The following BCAS3 variants were observed in gnomAD, a reference collection of about 807,000 sequenced individuals.
The protein encoded by BCAS3 is BCAS4/BCAS3 fusion.
A neutral mutation model predicts 116.1 loss-of-function variants in BCAS3; 53 were observed. The observed-to-expected ratio is 0.46, with a 90% CI of 0.37 to 0.57. The LOEUF is 0.57. Among genes scored for constraint, BCAS3 ranks in the 20% least tolerant of loss-of-function variants. The pLI is 0.00. For missense variants in BCAS3, 917 were observed against 1,165.4 expected (o/e 0.79, Z 3.10); for synonymous variants, 391 against 408.2 (o/e 0.96, Z 0.51).
intron 22 of BCAS3, among the ~76,000 whole-genome samples, chr17:61,121,073 T>A (rs2075763362): frequency 6.6e-6 from 1 of 152,178 alleles, no homozygotes. Flanking sequence ...ATTTTATATT[T>A]TAGCAAAAAT....
Position 60,908,368 on chromosome 17 carries a change from A to C in BCAS3, c.823-2164A>C, listed in dbSNP as rs534818296. Among the ~76,000 whole-genome samples the C allele has an allele frequency of 5.3e-5, 8 of 152,292 alleles. No individual in the cohort carries two copies. In the East Asian group the frequency reaches 1.3e-3, roughly 26 times the overall value. ...CCTTTTCATTGGTATAAGAGCATGA[A>C]ATAATAGGCTCAGGGGCAAATGGGG... On this transcript the variant is annotated intron_variant, in intron 11 of 23. Transcript: ENST00000407086.
intron 9 of BCAS3, chr17:60,886,571 T>C (rs1408176917): frequency 6.6e-6 from 1 of 150,754 alleles, no homozygotes; most frequent in Non-Finnish European, 1.5e-5. Flanking sequence ...CCCATCTTTG[T>C]GGTTTTATCT....
chr17:60,832,381 T>A (rs2051017207), intron 7 of BCAS3, among the ~76,000 whole-genome samples: 1 of 152,102 alleles, frequency 6.6e-6, no homozygotes, highest in Non-Finnish European at 1.5e-5. Flanking sequence ...TGGCAAACGT[T>A]TGTTGTGTGA....
chr17:61,353,745 C>T (rs935941731), intron 22 of BCAS3: 4 of 152,376 alleles, frequency 2.6e-5, no homozygotes, highest in African/African-American at 9.6e-5. Flanking sequence ...CCTCCTTTCT[C>T]CCTGGTTTCC....
chr17:61,120,603 C>T (rs962991928), intron 22 of BCAS3, among the ~76,000 whole-genome samples: 4 of 152,072 alleles, frequency 2.6e-5, no homozygotes, highest in African/African-American at 9.7e-5. Context: ...CAACCCATCA[C>T]CAAACTAGTT....
intron 6 of BCAS3, among the ~76,000 whole-genome samples, chr17:60,791,137 C>T (rs1465206850): frequency 6.6e-6 from 1 of 152,130 alleles, no homozygotes; most frequent in South Asian, 2.1e-4. Context: ...AGCACTAGAG[C>T]CTCAAACTGC....
chr17:60,935,340 T>C (rs2059863066), intron 13 of BCAS3, among the ~76,000 whole-genome samples: 2 of 152,194 alleles, frequency 1.3e-5, no homozygotes, highest in African/African-American at 4.8e-5. Flanking sequence ...AATACAATTA[T>C]AGTTAATTAA....
At chr17:60,844,239 G>A (rs568526545) in intron 7 of BCAS3, among the ~76,000 whole-genome samples, 1 of 152,126 alleles carries the variant, frequency 6.6e-6, no homozygotes, top group East Asian at 1.9e-4. Flanking sequence ...CAAAATGCTG[G>A]GATTACAGGC....
At chr17:60,922,481 T>G (rs1461038846) in intron 12 of BCAS3, among the ~76,000 whole-genome samples, 21 of 151,234 alleles carry the variant, frequency 1.4e-4, no homozygotes, top group Non-Finnish European at 2.9e-5. Context: ...CATTAATTGA[T>G]AGGAATAAGC....
At chr17:61,009,604 A>G (rs188469402) in intron 15 of BCAS3, among the ~76,000 whole-genome samples, 133 of 152,208 alleles carry the variant, frequency 8.7e-4, no homozygotes, top group Non-Finnish European at 1.4e-3. Context: ...TTAAAGGTAG[A>G]AAGGATGCAA....
chr17:60,753,709 G>A (rs998380689), intron 6 of BCAS3, among the ~76,000 whole-genome samples: 10 of 152,048 alleles, frequency 6.6e-5, no homozygotes, highest in Non-Finnish European at 1.2e-4. Flanking sequence ...ACGCTCTGCC[G>A]CGTCTTCTTA....
chr17:60,854,949 GTT>G (rs1267985905), intron 7 of BCAS3, among the ~76,000 whole-genome samples: 2 of 121,952 alleles, frequency 1.6e-5, no homozygotes, highest in African/African-American at 7.1e-5. Flanking sequence ...TTTCAGTGAG[GTT>G]TTTTTTTTTT....
intron 22 of BCAS3, among the ~76,000 whole-genome samples, chr17:61,121,478 A>G (rs995738141): frequency 2.0e-5 from 3 of 152,148 alleles, no homozygotes; most frequent in African/African-American, 4.8e-5. Flanking sequence ...GATTGTAACC[A>G]CTGCTTTGCA....
chr17:60,947,288 G>T lies in BCAS3; in HGVS notation c.1157G>T (p.Trp386Leu), dbSNP rs200515922. 3.1e-5 allele frequency: 50 copies of T among 1,612,706 alleles called. No individual in the cohort carries two copies. The African/African-American group carries it at 5.9e-4, about 19-fold the overall frequency. Residue 386 changes from tryptophan to leucine, a missense_variant, in exon 14 of 24, where the codon TGG (tryptophan) becomes TTG (leucine). Physicochemically the swap from Trp to Leu is moderately conservative, Grantham distance 61. Around this residue, in one of 3 missense-constraint regions of BCAS3, gnomAD observed 807 missense variants for 1,026.0 expected, o/e 0.79. Coordinates refer to ENST00000407086, the MANE Select transcript of BCAS3 (RefSeq NM_017679.5). ...FHVFQILTHP[W>L]SSSQCAVHHL... is the part of the protein sequence containing the mutation. ...GTCTTCCAAATTCTGACTCATCCTT[G>T]GTCCTCATCACAATGTGCTGTCCAC...
chr17:61,047,710 A>G (rs2068477506), intron 19 of BCAS3, among the ~76,000 whole-genome samples: 1 of 152,084 alleles, frequency 6.6e-6, no homozygotes, highest in African/African-American at 2.4e-5. Flanking sequence ...TTTGAATATG[A>G]TCCCAAAATA....
chr17:61,368,194 G>T lies in BCAS3; in HGVS notation c.2426-133G>T. 2.2e-6 allele frequency: 2 copies of T among 912,568 alleles called. No individual in the cohort carries two copies. Among genetic ancestry groups the T allele is most frequent in the Non-Finnish European group, 3.3e-6 (2 of 612,254 alleles). 56.5% of individuals were successfully genotyped at this position (912,568 alleles called of 1,614,324 possible). On this transcript the variant is annotated intron_variant, in intron 22 of 23. Coordinates refer to ENST00000407086, the MANE Select transcript of BCAS3 (RefSeq NM_017679.5). The surrounding 1 kb of genome is among the most constrained non-coding windows in gnomAD (Gnocchi z 6.0). ...TTTCTCCTGCGCTACCCAGTCTGTT[G>T]GCGGCGTGCTTCCATCCTACAGGAA...
chr17:60,727,483 CTT>C (rs1439465514), intron 5 of BCAS3: 1 of 1,532,028 alleles, frequency 6.5e-7, no homozygotes, highest in Non-Finnish European at 8.8e-7. Flanking sequence ...CGTTGACCAT[CTT>C]TGCAGCAGGG....
At chr17:61,064,956 C>G (rs2070459581) in intron 19 of BCAS3, among the ~76,000 whole-genome samples, 1 of 152,226 alleles carries the variant, frequency 6.6e-6, no homozygotes, top group African/African-American at 2.4e-5. Context: ...TGCTTTACTG[C>G]TCTGTGTATT....
rs377161639 is a variant in BCAS3, at chr17:61,140,943, G to GT, written c.2425+56389dup. On this transcript the variant is annotated intron_variant, in intron 22 of 23. Transcript: ENST00000407086. The surrounding 1 kb of genome is among the most constrained non-coding windows in gnomAD (Gnocchi z 4.2). ...CCCTGTGCTCTTTGTCCATTTGAGT[G>GT]TTTTTTTTTTCCCCCAAAAGTATAA... Among the ~76,000 whole-genome samples, 269 of 148,060 alleles carry GT rather than the reference G, an allele frequency of 1.8e-3. No homozygotes were observed. Among genetic ancestry groups the GT allele is most frequent in the Middle Eastern group, 0.01 (3 of 286 alleles).
Sources: allele counts gnomAD v4.1 joint callset (sites outside exome capture counted in the v4.1 genomes callset), GRCh38; gene constraint gnomAD v4.1.1; regional missense constraint gnomAD v4.1.1; non-coding constraint Gnocchi (gnomAD v3.1); transcripts MANE v1.5; gene names NCBI Gene and HGNC (gene_info 2026-07-23, HGNC 2026-07-21).